The following CDK6 variants were observed in gnomAD, a reference collection of about 807,000 sequenced individuals.
The protein encoded by CDK6 is cyclin-dependent kinase 6.
Under a neutral mutation model 37.1 loss-of-function variants are expected in CDK6, and 6 were observed. The observed-to-expected ratio is 0.16, with a 90% CI of 0.09 to 0.32. The LOEUF (loss-of-function observed/expected upper bound fraction) is 0.32. Among genes scored for constraint, CDK6 ranks in the 10% least tolerant of loss-of-function variants. CDK6 has a pLI of 1.00. For missense variants in CDK6, 224 were observed against 418.9 expected (o/e 0.53, Z 4.06); for synonymous variants, 160 against 161.3 (o/e 0.99, Z 0.06).
chr7:92,782,237 C>T (rs558333510), intron 2 of CDK6, among the ~76,000 whole-genome samples: 75 of 152,236 alleles, frequency 4.9e-4, no homozygotes, highest in Non-Finnish European at 7.5e-4. Flanking sequence ...TGTATTAGTA[C>T]CAAATAAATT....
chr7:92,683,943 A>C (rs950671115), intron 4 of CDK6, among the ~76,000 whole-genome samples: 16 of 152,234 alleles, frequency 1.1e-4, no homozygotes, highest in African/African-American at 3.6e-4. Flanking sequence ...AGAATGGATT[A>C]CTGTGGGGCC....
intron 3 of CDK6, among the ~76,000 whole-genome samples, chr7:92,760,098 G>A (rs1423331673): frequency 1.3e-5 from 2 of 152,136 alleles, no homozygotes; most frequent in African/African-American, 2.4e-5. Context: ...TGTCATTGTA[G>A]TAAAAATAGG....
chr7:92,696,060 T>A (rs1192495458), intron 4 of CDK6, among the ~76,000 whole-genome samples: 1 of 152,208 alleles, frequency 6.6e-6, no homozygotes, highest in Admixed American at 6.5e-5. Context: ...TGTGCTCTGT[T>A]GTACAAAGTG....
intron 2 of CDK6, among the ~76,000 whole-genome samples, chr7:92,782,659 A>G (rs1181059156): frequency 2.0e-5 from 3 of 152,132 alleles, no homozygotes; most frequent in Admixed American, 6.5e-5. Context: ...AGAACAAGGG[A>G]CAGTGGGCAA....
chr7:92,709,947 T>C (rs1037055574), intron 4 of CDK6, among the ~76,000 whole-genome samples: 4 of 152,248 alleles, frequency 2.6e-5, no homozygotes, highest in East Asian at 1.9e-4. Flanking sequence ...TTTCAACATA[T>C]GTGGAGCACG....
At chr7:92,724,365 G>A (rs1162645323) in intron 4 of CDK6, among the ~76,000 whole-genome samples, 1 of 152,024 alleles carries the variant, frequency 6.6e-6, no homozygotes, top group African/African-American at 2.4e-5. Flanking sequence ...TCTAACAATG[G>A]CAACATTTTC....
intron 3 of CDK6, among the ~76,000 whole-genome samples, chr7:92,746,409 A>C (rs1304632729): frequency 6.6e-6 from 1 of 152,204 alleles, no homozygotes; most frequent in Non-Finnish European, 1.5e-5. Context: ...AAACCTCTTG[A>C]ATGCCAACAT....
At chr7:92,639,210 T>C (rs776130217) in intron 5 of CDK6, among the ~76,000 whole-genome samples, 1 of 152,228 alleles carries the variant, frequency 6.6e-6, no homozygotes, top group Non-Finnish European at 1.5e-5. Flanking sequence ...AAAGTACATA[T>C]GAGATAGATT....
intron 4 of CDK6, among the ~76,000 whole-genome samples, chr7:92,685,894 A>C (rs1306829575): frequency 1.3e-5 from 2 of 152,222 alleles, no homozygotes; most frequent in African/African-American, 4.8e-5. Context: ...TAACTTTGAA[A>C]TGACCAAGCT....
rs1800727767 is a variant in CDK6, at chr7:92,806,453, A to G, written c.233+26638T>C. ...TATCACTTTATTAGCATCTTTATAAAACGATGTAATAAAGTGCAAAATGGA... is the reference window on the plus strand; with the variant it reads ...TATCACTTTATTAGCATCTTTATAAGACGATGTAATAAAGTGCAAAATGGA... On this transcript the variant is annotated intron_variant, in intron 2 of 7. Transcript: ENST00000424848. Among the ~76,000 whole-genome samples the G allele has an allele frequency of 3.3e-5, 5 of 152,304 alleles. No homozygotes were observed. In the South Asian group the frequency reaches 1.0e-3, roughly 32 times the overall value.
chr7:92,774,867 A>G (rs2115786949), intron 2 of CDK6, 36 bp from the exon 3 acceptor site: 1 of 1,592,686 alleles, frequency 6.3e-7, no homozygotes. Flanking sequence ...GTAGGTGGCA[A>G]TAAGCAAAGA....
At chr7:92,723,746 A>G (rs1585430284) in intron 4 of CDK6, among the ~76,000 whole-genome samples, 1 of 152,176 alleles carries the variant, frequency 6.6e-6, no homozygotes, top group Non-Finnish European at 1.5e-5. Context: ...TAGGAAATAT[A>G]AAGCATGCAG....
rs1480486067 is a variant in CDK6 at position 92,608,108 on chromosome 7, T to C, written c.*7032A>G. The stretch of plus-strand genomic sequence containing the variant: ...CCTAAGCACATCAACGGAATTTTTC[T>C]AGGGACCACAGAGAGTTAGAAATTA... On this transcript the variant is annotated 3_prime_UTR_variant, in exon 8 of 8. Coordinates refer to ENST00000424848, the MANE Select transcript of CDK6 (RefSeq NM_001145306.2). 1.3e-5 allele frequency: 3 copies of C among 233,020 alleles called. No homozygotes were observed. The highest frequency in any genetic ancestry group is 6.6e-5 in the African/African-American group (3 of 45,334). The allele number at this position is 233,020 out of a possible 1,614,324, so 14.4% of individuals were successfully genotyped here.
At chr7:92,790,952 A>G (rs2115853927) in intron 2 of CDK6, among the ~76,000 whole-genome samples, 1 of 152,278 alleles carries the variant, frequency 6.6e-6, no homozygotes, top group East Asian at 1.9e-4. Flanking sequence ...TCCTCTGGAA[A>G]GTGGGCAACT....
At chr7:92,782,705 C>G (rs1197073934) in intron 2 of CDK6, among the ~76,000 whole-genome samples, 1 of 152,100 alleles carries the variant, frequency 6.6e-6, no homozygotes, top group Non-Finnish European at 1.5e-5. Flanking sequence ...CACCTGGGCC[C>G]AGTGTGTTTG....
At chr7:92,772,202 AT>A (rs1042973694) in intron 3 of CDK6, among the ~76,000 whole-genome samples, 51 of 150,900 alleles carry the variant, frequency 3.4e-4, no homozygotes, top group East Asian at 1.5e-3. Context: ...ATAGTTCAGA[AT>A]TTTTTTTTTA....
At chr7:92,682,248 T>A (rs1797355202) in intron 4 of CDK6, among the ~76,000 whole-genome samples, 1 of 152,152 alleles carries the variant, frequency 6.6e-6, no homozygotes, top group Admixed American at 6.5e-5. Flanking sequence ...CAAGCTCAAC[T>A]CTAATTTACC....
chr7:92,718,758 G>A (rs1223272541), intron 4 of CDK6, among the ~76,000 whole-genome samples: 1 of 152,140 alleles, frequency 6.6e-6, no homozygotes, highest in Non-Finnish European at 1.5e-5. Flanking sequence ...AGGTTCTTGA[G>A]CCTTATCATA....
chr7:92,641,868 C>T (rs1333369086), intron 5 of CDK6, among the ~76,000 whole-genome samples: 1 of 152,186 alleles, frequency 6.6e-6, no homozygotes, highest in Non-Finnish European at 1.5e-5. Context: ...GAGCCGGCCA[C>T]ACAGCCTTAG....
Sources: allele counts gnomAD v4.1 joint callset (sites outside exome capture counted in the v4.1 genomes callset), GRCh38; gene constraint gnomAD v4.1.1; transcripts MANE v1.5; gene names NCBI Gene and HGNC (gene_info 2026-07-23, HGNC 2026-07-21).